The following BRD1 variants were observed in gnomAD, a reference collection of about 807,000 sequenced individuals.
The protein encoded by BRD1 is bromodomain containing 1, also known as bromodomain-containing protein 1.
A neutral mutation model predicts 107.7 loss-of-function variants in BRD1; 24 were observed. The observed-to-expected ratio is 0.22, with a 90% confidence interval of 0.16 to 0.31. The LOEUF (loss-of-function observed/expected upper bound fraction) is 0.31. Ranked by LOEUF, BRD1 falls within the 10% of genes least tolerant of loss-of-function variation. The pLI is 1.00. For synonymous variants in BRD1, 744 were observed against 686.1 expected (o/e 1.08, Z -1.32); for missense variants, 1,279 against 1,638.6 (o/e 0.78, Z 3.79).
Position 49,798,690 on chromosome 22 carries a change from G to C in BRD1, c.1657-4C>G, listed in dbSNP as rs376646773. 2 of 1,596,022 alleles carry C rather than the reference G, an allele frequency of 1.3e-6. No individual in the cohort carries two copies. Among genetic ancestry groups the C allele is most frequent in the Non-Finnish European group, 1.7e-6 (2 of 1,172,180 alleles). ...TGGCGACCTGCTCCACCTTCACCTG[G>C]GGGGGCCCAGCAGAGCCTCAGCTTT... On this transcript the variant is annotated splice_polypyrimidine_tract_variant and splice_region_variant and intron_variant, in intron 4 of 12. Coordinates refer to ENST00000404760, the MANE Select transcript of BRD1 (RefSeq NM_001304808.3).
At chr22:49,793,801 A>G (rs2059478306) in intron 7 of BRD1, among the ~76,000 whole-genome samples, 1 of 152,260 alleles carries the variant, frequency 6.6e-6, no homozygotes, top group South Asian at 2.1e-4. Context: ...AATTTTATCA[A>G]CTGATTATGT....
At chr22:49,782,740 C>T (rs1230706267) in intron 8 of BRD1, among the ~76,000 whole-genome samples, 18 of 123,488 alleles carry the variant, frequency 1.5e-4, no homozygotes, top group African/African-American at 3.3e-4. Context: ...TGCTCTGTGA[C>T]AATGCCGCTG....
chr22:49,802,098 C>G (rs886390195), intron 3 of BRD1, among the ~76,000 whole-genome samples: 2 of 152,254 alleles, frequency 1.3e-5, no homozygotes, highest in African/African-American at 4.8e-5. Context: ...AACTTCCTCC[C>G]AAAAAAGCCT....
At chr22:49,808,439 T>C (rs1399218516) in intron 2 of BRD1, among the ~76,000 whole-genome samples, 1 of 152,298 alleles carries the variant, frequency 6.6e-6, no homozygotes, top group East Asian at 1.9e-4. Context: ...AAATACTGCC[T>C]GATTGCGCTT....
chr22:49,777,092 A>G lies in BRD1; in HGVS notation c.3063T>C (p.Ser1021=), dbSNP rs1356547417. 1 of 1,613,378 alleles carries G rather than the reference A, an allele frequency of 6.2e-7. No individual in the cohort carries two copies. ...CATTCTCGATGCAGGAGATCAGCTCACTGCGGTCCTCCAGCGTGTGCCGTC... is the reference window on the plus strand; with the variant it reads ...CATTCTCGATGCAGGAGATCAGCTCGCTGCGGTCCTCCAGCGTGTGCCGTC... ...LVRRHTLEDR[S]ELISCIENGN... The change falls in exon 10 of 13, where the codon AGT becomes AGC. Residue 1021 remains serine, a synonymous_variant. Transcript: ENST00000404760.
At chr22:49,777,431 T>C (rs1020028812) in intron 9 of BRD1, among the ~76,000 whole-genome samples, 19 of 152,238 alleles carry the variant, frequency 1.2e-4, no homozygotes, top group Admixed American at 2.0e-4. Flanking sequence ...TAAAACTTCA[T>C]TGCAGATTCT....
chr22:49,811,870 G>T (rs1370488669), intron 2 of BRD1, among the ~76,000 whole-genome samples: 2 of 152,166 alleles, frequency 1.3e-5, no homozygotes, highest in Admixed American at 6.5e-5. Flanking sequence ...CTAGGCTATG[G>T]GTGGGTTTGT....
At chr22:49,797,441 A>G (rs2059555702) in intron 6 of BRD1, among the ~76,000 whole-genome samples, 1 of 152,092 alleles carries the variant, frequency 6.6e-6, no homozygotes, top group Admixed American at 6.5e-5. Context: ...AGGGAGCCAC[A>G]GCCACACAGT....
At chr22:49,789,524 G>C (rs1041158711) in intron 7 of BRD1, among the ~76,000 whole-genome samples, 1 of 137,240 alleles carries the variant, frequency 7.3e-6, no homozygotes, top group Non-Finnish European at 1.5e-5. Context: ...CCCTGATTAC[G>C]ACATTCAACT....
At position 49,823,946 on chromosome 22, in the gene BRD1, G is replaced by A. The variant is rs762464745; in HGVS notation, c.372C>T (p.Ile124=). The change falls in exon 2 of 13, where the codon ATC becomes ATT. Residue 124 remains isoleucine, a synonymous_variant. Transcript: ENST00000404760. ...GGGCGGACGGAGGGCTGTACTCCAC[G>A]ATGCGCACCTTGGGCTCCGGGAGGG... The part of the protein sequence containing the change: ...ASALPEPKVR[I]VEYSPPSAPR... 48 of 1,614,030 alleles carry A rather than the reference G, an allele frequency of 3.0e-5. No homozygotes were observed. The highest frequency in any genetic ancestry group is 1.1e-4 in the East Asian group (5 of 44,902).
chr22:49,784,474 C>A (rs1223687391), intron 8 of BRD1, among the ~76,000 whole-genome samples: 2 of 152,242 alleles, frequency 1.3e-5, no homozygotes, highest in South Asian at 2.1e-4. Flanking sequence ...GACTCTGGGG[C>A]TGGGCCATCG....
chr22:49,796,467 C>A (rs1394349324), intron 6 of BRD1, among the ~76,000 whole-genome samples: 3 of 152,172 alleles, frequency 2.0e-5, no homozygotes, highest in Non-Finnish European at 4.4e-5. Flanking sequence ...AGCGATTCTC[C>A]TGCCTCAGCC....
chr22:49,777,879 A>T lies in BRD1; in HGVS notation c.2858-66T>A, dbSNP rs73892866. 3,985 of 1,519,194 alleles carry T rather than the reference A, an allele frequency of 2.6e-3. 52 individuals are homozygous for T. In the East Asian group the frequency reaches 0.032, roughly 12 times the overall value. The allele number at this position is 1,519,194 out of a possible 1,614,324, so 94.1% of individuals were successfully genotyped here. A position where few individuals can be genotyped will look rare whatever the true frequency, so the allele number is the denominator to read the frequency against. On this transcript the variant is annotated intron_variant, in intron 8 of 12. Coordinates refer to ENST00000404760, the MANE Select transcript of BRD1 (RefSeq NM_001304808.3). ...GGGCACACTGAAGCATGACTCAACG[A>T]CGTTACACTTGGAACACATCTTACA...
rs746371515 is a variant in BRD1, at chr22:49,787,410, G to A, written c.2837C>T (p.Pro946Leu). ...CGDSEVEEES[P>L]GKRLDAGLTN... ...TTTACCTGCGTCCAGGCGCTTTCCT[G>A]GGGACTCCTCCTCCACCTCGGAGTC... Residue 946 changes from proline (P) to leucine (L), a missense_variant, in exon 8 of 13, where the codon CCA becomes CTA. This residue lies in a region of BRD1 where 263 missense variants were observed against 251.6 expected (regional missense o/e 1.05). Coordinates refer to ENST00000404760, the MANE Select transcript of BRD1 (RefSeq NM_001304808.3). 22 of 1,612,474 alleles carry A rather than the reference G, an allele frequency of 1.4e-5. No individual in the cohort carries two copies. Among genetic ancestry groups the A allele is most frequent in the Non-Finnish European group, 1.6e-5 (19 of 1,179,734 alleles).
rs374865183 is a variant in BRD1, at chr22:49,774,212, C to A, written c.*21G>T. ...CAGCTTATCAACACTATGGACAAGA[C>A]CCGCGCTGGCGGCCGGGCCGTCAGT... is the stretch of plus-strand genomic sequence containing the variant. On this transcript the variant is annotated 3_prime_UTR_variant, in exon 13 of 13. Transcript: ENST00000404760. The A allele has an allele frequency of 1.5e-5, 24 of 1,608,454 alleles. No homozygotes were observed. The highest frequency in any genetic ancestry group is 2.0e-5 in the Non-Finnish European group (23 of 1,176,714).
At chr22:49,805,228 C>T (rs2059718050) in intron 2 of BRD1, among the ~76,000 whole-genome samples, 1 of 152,238 alleles carries the variant, frequency 6.6e-6, no homozygotes, top group African/African-American at 2.4e-5. Flanking sequence ...GCCACCAAGA[C>T]CCTCGGCGCC....
chr22:49,775,819 C>CCCCCCA, intron 11 of BRD1, 74 bp from the exon 12 acceptor site: 2 of 1,256,954 alleles, frequency 1.6e-6, no homozygotes, highest in Non-Finnish European at 2.0e-6. Flanking sequence ...ACTGGCACCC[C>CCCCCCA]CCCCCGCCTC....
intron 8 of BRD1, among the ~76,000 whole-genome samples, chr22:49,779,915 C>G (rs2059172943): frequency 1.3e-5 from 2 of 152,138 alleles, no homozygotes; most frequent in South Asian, 2.1e-4. Flanking sequence ...GCGTGTGACC[C>G]GTCTCCAGAG....
intron 2 of BRD1, among the ~76,000 whole-genome samples, chr22:49,816,071 C>T (rs2059946198): frequency 6.6e-6 from 1 of 152,216 alleles, no homozygotes; most frequent in African/African-American, 2.4e-5. Flanking sequence ...GGGAGGTACC[C>T]ACACAGGGCT....
Sources: gnomAD v4.1 joint callset for allele counts (sites outside exome capture counted in the v4.1 genomes callset) on GRCh38, gnomAD v4.1.1 for gene constraint, gnomAD v4.1.1 regional missense constraint, MANE v1.5 for transcripts, NCBI Gene and HGNC (gene_info 2026-07-23, HGNC 2026-07-21) for gene names.